The following PPARD variants were observed in gnomAD, a reference collection of about 807,000 sequenced individuals.
The protein encoded by PPARD is peroxisome proliferator activated receptor delta.
In PPARD, 6 loss-of-function variants were observed where a neutral mutation model predicts 39.5. The ratio of observed to expected loss-of-function variants is 0.15; its 90% CI spans 0.08 to 0.30. The LOEUF (loss-of-function observed/expected upper bound fraction) is 0.30. Ranked by LOEUF, PPARD falls within the 10% of genes least tolerant of loss-of-function variation. The probability of loss-of-function intolerance (pLI) is 1.00; values close to 1 mark genes in which losing one functional copy is unlikely to be tolerated. For synonymous variants in PPARD, 210 were observed against 231.3 expected (o/e 0.91, Z 0.83); for missense variants, 397 against 596.8 (o/e 0.67, Z 3.49).
intron 2 of PPARD, among the ~76,000 whole-genome samples, chr6:35,356,212 C>T (rs1761606538): frequency 6.6e-6 from 1 of 152,194 alleles, no homozygotes; most frequent in Non-Finnish European, 1.5e-5. Flanking sequence ...TCATTGCTTT[C>T]ATTTGTGATC....
At chr6:35,389,436 C>CGA (rs1412277751) in intron 2 of PPARD, among the ~76,000 whole-genome samples, 1 of 152,118 alleles carries the variant, frequency 6.6e-6, no homozygotes, top group African/African-American at 2.4e-5. Context: ...CTCAGCCTCT[C>CGA]GAGTAGCTGG....
rs563176491 is a variant in PPARD, at chr6:35,399,268, C to T, written c.-101-11719C>T. The stretch of plus-strand genomic sequence containing the variant: ...TACAAAAATTAGCTGGGTGTGGTGG[C>T]AGGTGCCTGTAATCCCAGCTACTCT... On this transcript the variant is annotated intron_variant, in intron 2 of 7. Coordinates refer to ENST00000360694, the MANE Select transcript of PPARD (RefSeq NM_006238.5). Among the ~76,000 whole-genome samples the T allele has an allele frequency of 3.3e-5, 5 of 151,296 alleles. No individual in the cohort carries two copies. The East Asian group carries it at 7.8e-4, about 24-fold the overall frequency.
intron 2 of PPARD, among the ~76,000 whole-genome samples, chr6:35,388,999 T>C (rs1763844588): frequency 1.3e-5 from 2 of 151,988 alleles, no homozygotes; most frequent in African/African-American, 4.8e-5. Context: ...CAAAACTAGC[T>C]GATGGTGATA....
chr6:35,398,210 A>G (rs987747040), intron 2 of PPARD, among the ~76,000 whole-genome samples: 12 of 152,094 alleles, frequency 7.9e-5, no homozygotes, highest in Non-Finnish European at 5.9e-5. Flanking sequence ...CTGTACAGAG[A>G]GTGGGTGGTG....
intron 2 of PPARD, among the ~76,000 whole-genome samples, chr6:35,405,346 C>T (rs573693638): frequency 2.8e-4 from 43 of 152,002 alleles, no homozygotes; most frequent in Non-Finnish European, 5.1e-4. Flanking sequence ...TCCCCCATGC[C>T]CCATGCAAGA....
At chr6:35,354,087 C>T (rs144830438) in intron 2 of PPARD, among the ~76,000 whole-genome samples, 6,206 of 151,780 alleles carry the variant, frequency 0.041, 442 homozygotes, top group African/African-American at 0.14. Flanking sequence ...AAAAAATTAG[C>T]TGGGCGTGGT....
chr6:35,352,556 G>A (rs1582276184), intron 2 of PPARD, among the ~76,000 whole-genome samples: 1 of 152,152 alleles, frequency 6.6e-6, no homozygotes, highest in African/African-American at 2.4e-5. Context: ...ATTCATCTAG[G>A]ACATTCTTAA....
At chr6:35,396,086 T>C (rs1424602839) in intron 2 of PPARD, among the ~76,000 whole-genome samples, 1 of 151,994 alleles carries the variant, frequency 6.6e-6, no homozygotes, top group Non-Finnish European at 1.5e-5. Context: ...CCCTGTCTCC[T>C]TCTTTCTTTC....
Position 35,424,192 on chromosome 6 carries a change from G to A in PPARD, c.627+44G>A, listed in dbSNP as rs1307831406. On this transcript the variant is annotated intron_variant, in intron 6 of 7. Coordinates refer to ENST00000360694, the MANE Select transcript of PPARD (RefSeq NM_006238.5). The surrounding 1 kb of genome is among the most constrained non-coding windows in gnomAD (Gnocchi z 7.1). ...TGGCCTGGCAGCATCCTGGGCTCTGGGTCCCACTGCCGCCTGCCTGACTCC... is the reference window on the plus strand; with the variant it reads ...TGGCCTGGCAGCATCCTGGGCTCTGAGTCCCACTGCCGCCTGCCTGACTCC... 6.2e-7 allele frequency: 1 copy of A among 1,606,592 alleles called. No individual in the cohort carries two copies. Among genetic ancestry groups the A allele is most frequent in the Admixed American group, 1.7e-5 (1 of 59,588 alleles).
chr6:35,351,468 G>C lies in PPARD; in HGVS notation c.-102+4318G>C, dbSNP rs112272512. 9.7e-3 allele frequency among the ~76,000 whole-genome samples: 1,477 copies of C among 152,274 alleles called. 6 individuals are homozygous for C. Among genetic ancestry groups the C allele is most frequent in the Middle Eastern group, 0.017 (5 of 294 alleles). Reference sequence around the variant, plus strand: ...TCTTTAAGTATTGGGAAGCTGTCGGGCTCACAGTGGTCAATACACGTTTTC... The same window carrying C: ...TCTTTAAGTATTGGGAAGCTGTCGGCCTCACAGTGGTCAATACACGTTTTC... On this transcript the variant is annotated intron_variant, in intron 2 of 7. Transcript: ENST00000360694.
chr6:35,406,383 C>G (rs1435626126), intron 2 of PPARD, among the ~76,000 whole-genome samples: 1 of 152,088 alleles, frequency 6.6e-6, no homozygotes, highest in Middle Eastern at 3.2e-3. Flanking sequence ...CAAGGTTGCT[C>G]CTGGCTGGGC....
chr6:35,368,403 T>A (rs1762313244), intron 2 of PPARD, among the ~76,000 whole-genome samples: 2 of 152,338 alleles, frequency 1.3e-5, no homozygotes, highest in South Asian at 2.1e-4. Context: ...TTATCCCAGA[T>A]GGTATCCAGC....
At chr6:35,350,519 T>TG (rs1761173459) in intron 2 of PPARD, among the ~76,000 whole-genome samples, 1 of 152,084 alleles carries the variant, frequency 6.6e-6, no homozygotes, top group South Asian at 2.1e-4. Flanking sequence ...TTTTCCTCAG[T>TG]GTATGTTCTT....
At chr6:35,395,439 C>T (rs1281049749) in intron 2 of PPARD, among the ~76,000 whole-genome samples, 1 of 152,194 alleles carries the variant, frequency 6.6e-6, no homozygotes, top group Non-Finnish European at 1.5e-5. Flanking sequence ...TCATAGTGGA[C>T]TGTAAGCAGG....
intron 2 of PPARD, among the ~76,000 whole-genome samples, chr6:35,407,684 A>G (rs1005520527): frequency 1.4e-5 from 2 of 146,408 alleles, no homozygotes; most frequent in Non-Finnish European, 1.5e-5. Context: ...AAATAAATAA[A>G]TAAAATAAAA....
intron 2 of PPARD, among the ~76,000 whole-genome samples, chr6:35,383,386 C>A (rs1044872477): frequency 1.3e-5 from 2 of 150,750 alleles, no homozygotes; most frequent in Non-Finnish European, 2.9e-5. Context: ...GCTACAACCT[C>A]CACCTCCCAG....
At chr6:35,415,969 T>C (rs1269275654) in intron 3 of PPARD, among the ~76,000 whole-genome samples, 1 of 152,196 alleles carries the variant, frequency 6.6e-6, no homozygotes, top group Non-Finnish European at 1.5e-5. Context: ...GGGGCCACGG[T>C]AGGCACTCAG....
At chr6:35,371,488 T>A (rs2150540535) in intron 2 of PPARD, among the ~76,000 whole-genome samples, 1 of 152,354 alleles carries the variant, frequency 6.6e-6, no homozygotes, top group Non-Finnish European at 1.5e-5. Flanking sequence ...TGTGCAGCCT[T>A]AAAAGCAGAG....
chr6:35,343,043 C>G (rs1212717072), intron 1 of PPARD, among the ~76,000 whole-genome samples: 1 of 152,194 alleles, frequency 6.6e-6, no homozygotes, highest in Admixed American at 6.5e-5. Context: ...CCGGGGGCCT[C>G]TCCCATTCCC....
Sources: allele counts gnomAD v4.1 joint callset (sites outside exome capture counted in the v4.1 genomes callset), GRCh38; gene constraint gnomAD v4.1.1; non-coding constraint Gnocchi (gnomAD v3.1); transcripts MANE v1.5; gene names NCBI Gene and HGNC (gene_info 2026-07-23, HGNC 2026-07-21).